Variants in CSNK1G3 observed in about 807,000 individuals in gnomAD.
CSNK1G3 encodes casein kinase 1 gamma 3, also known as casein kinase I isoform gamma-3.
Under a neutral mutation model 64.3 loss-of-function variants are expected in CSNK1G3, and 23 were observed. The ratio of observed to expected loss-of-function variants is 0.36; its 90% CI spans 0.26 to 0.51. The LOEUF is 0.51. CSNK1G3 is among the 20% of genes least tolerant of loss of function. The pLI is 0.96. For missense variants in CSNK1G3, 357 were observed against 510.5 expected, an observed-to-expected ratio of 0.70 and a Z score of 2.90; for synonymous variants, 158 against 162.2, an observed-to-expected ratio of 0.97 and a Z score of 0.20.
intron 8 of CSNK1G3, among the ~76,000 whole-genome samples, chr5:123,589,691 A>G (rs538635599): frequency 2.0e-5 from 3 of 151,960 alleles, no homozygotes; most frequent in Admixed American, 6.6e-5. Context: ...ATTGTTTTAT[A>G]TTTATATATT....
At chr5:123,543,978 G>A (rs1782111081) in intron 1 of CSNK1G3, among the ~76,000 whole-genome samples, 2 of 152,046 alleles carry the variant, frequency 1.3e-5, no homozygotes, top group Non-Finnish European at 2.9e-5. Flanking sequence ...AGCATAAAAA[G>A]AAAAAACAGA....
chr5:123,576,792 A>G (rs574962141), intron 6 of CSNK1G3, among the ~76,000 whole-genome samples: 29 of 152,200 alleles, frequency 1.9e-4, no homozygotes, highest in African/African-American at 6.5e-4. Context: ...TTCTCTACTG[A>G]AAAGTTTCTT....
intron 6 of CSNK1G3, among the ~76,000 whole-genome samples, chr5:123,586,967 A>T (rs1405552516): frequency 6.6e-6 from 1 of 152,160 alleles, no homozygotes; most frequent in Non-Finnish European, 1.5e-5. Context: ...GAAACTCCTT[A>T]TAAAACCATC....
chr5:123,532,172 A>G (rs189966923), intron 1 of CSNK1G3, among the ~76,000 whole-genome samples: 6 of 152,028 alleles, frequency 3.9e-5, no homozygotes, highest in South Asian at 2.1e-4. Flanking sequence ...AGCTAATTCT[A>G]TTTCTAATCA....
chr5:123,570,935 C>T (rs1426300675), intron 4 of CSNK1G3, among the ~76,000 whole-genome samples: 1 of 152,170 alleles, frequency 6.6e-6, no homozygotes. Flanking sequence ...TTAATTGCAT[C>T]TCCAGCTTCT....
intron 1 of CSNK1G3, among the ~76,000 whole-genome samples, chr5:123,543,152 T>C (rs1380178900): frequency 6.6e-6 from 1 of 152,104 alleles, no homozygotes; most frequent in African/African-American, 2.4e-5. Flanking sequence ...AGAGTCTGGC[T>C]TTTTGTCTTT....
intron 2 of CSNK1G3, 24 bp downstream of exon 2, chr5:123,545,865 T>G: frequency 6.4e-7 from 1 of 1,569,734 alleles, no homozygotes; most frequent in Admixed American, 1.7e-5. Context: ...GTTTATTCCA[T>G]TATGTTAGAA....
intron 6 of CSNK1G3, among the ~76,000 whole-genome samples, chr5:123,583,057 G>T (rs562036029): frequency 3.3e-5 from 5 of 152,162 alleles, no homozygotes; most frequent in Admixed American, 6.5e-5. Flanking sequence ...ATGTAGGCGA[G>T]ATCACCTTAT....
intron 1 of CSNK1G3, among the ~76,000 whole-genome samples, chr5:123,532,481 G>T (rs533692048): frequency 2.6e-5 from 4 of 151,778 alleles, no homozygotes; most frequent in Admixed American, 2.0e-4. Context: ...GAAAATAACA[G>T]TATTCTTTTC....
At chr5:123,608,944 T>C (rs1581447079) in intron 12 of CSNK1G3, among the ~76,000 whole-genome samples, 1 of 152,234 alleles carries the variant, frequency 6.6e-6, no homozygotes, top group East Asian at 1.9e-4. Context: ...GTCCTCCTAG[T>C]TGGGAAGATC....
chr5:123,561,112 A>G (rs533951906), intron 4 of CSNK1G3, among the ~76,000 whole-genome samples: 4 of 152,254 alleles, frequency 2.6e-5, no homozygotes, highest in South Asian at 4.1e-4. Flanking sequence ...TCTTTCCTTT[A>G]TGTAGCTTCT....
intron 10 of CSNK1G3, among the ~76,000 whole-genome samples, chr5:123,594,639 A>G (rs1005767901): frequency 1.3e-5 from 2 of 152,166 alleles, no homozygotes; most frequent in Non-Finnish European, 2.9e-5. Context: ...TCATCAGAAA[A>G]CCAGTGATGA....
intron 1 of CSNK1G3, among the ~76,000 whole-genome samples, chr5:123,543,902 T>C (rs1782092103): frequency 1.3e-5 from 2 of 152,010 alleles, no homozygotes; most frequent in South Asian, 4.2e-4. Flanking sequence ...CATAAATAGA[T>C]TGGGTGTTAG....
At chr5:123,551,801 CA>C (rs1281778890) in intron 2 of CSNK1G3, among the ~76,000 whole-genome samples, 5 of 152,122 alleles carry the variant, frequency 3.3e-5, no homozygotes, top group African/African-American at 1.2e-4. Context: ...AAAAAAACCC[CA>C]AAAAACTATC....
intron 1 of CSNK1G3, among the ~76,000 whole-genome samples, chr5:123,537,533 G>A (rs1224240911): frequency 6.6e-6 from 1 of 152,080 alleles, no homozygotes; most frequent in Non-Finnish European, 1.5e-5. Flanking sequence ...TGCAATCTAT[G>A]TATGTAACAA....
chr5:123,602,358 A>G (rs191745983), intron 10 of CSNK1G3, among the ~76,000 whole-genome samples: 43 of 152,300 alleles, frequency 2.8e-4, no homozygotes, highest in African/African-American at 9.6e-4. Flanking sequence ...TCTCTACACT[A>G]AAGTGTCAGA....
At chr5:123,535,845 C>G (rs951970650) in intron 1 of CSNK1G3, among the ~76,000 whole-genome samples, 3 of 152,152 alleles carry the variant, frequency 2.0e-5, no homozygotes, top group African/African-American at 7.2e-5. Flanking sequence ...TAACTCATCA[C>G]TTCTTTCTGC....
intron 2 of CSNK1G3, among the ~76,000 whole-genome samples, chr5:123,550,375 C>G (rs772932385): frequency 1.3e-5 from 2 of 152,150 alleles, no homozygotes; most frequent in East Asian, 1.9e-4. Flanking sequence ...CATATACATT[C>G]CTTTCTGGAA....
At chr5:123,549,948 C>A (rs575943430) in intron 2 of CSNK1G3, among the ~76,000 whole-genome samples, 2 of 152,022 alleles carry the variant, frequency 1.3e-5, no homozygotes, top group South Asian at 2.1e-4. Context: ...TTTTTCTTTT[C>A]TTATTCCTAC....
Sources: gnomAD v4.1 joint callset for allele counts (sites outside exome capture counted in the v4.1 genomes callset) on GRCh38, gnomAD v4.1.1 for gene constraint, MANE v1.5 for transcripts, NCBI Gene and HGNC (gene_info 2026-07-23, HGNC 2026-07-21) for gene names.